MPP7: variants seen among roughly 807,000 people sequenced by gnomAD.
MPP7 encodes the protein MAGUK p55 subfamily member 7.
A neutral mutation model predicts 76.5 loss-of-function variants in MPP7; 60 were observed. The observed-to-expected ratio is 0.78, with a 90% CI of 0.64 to 0.97. MPP7 has a LOEUF of 0.97. Among genes scored for constraint, MPP7 ranks in the 50% least tolerant of loss-of-function variants. The pLI, the probability that MPP7 is intolerant of heterozygous loss-of-function variation, is 0.00. For synonymous variants in MPP7, 237 were observed against 244.5 expected (o/e 0.97, Z 0.29); for missense variants, 641 against 694.0 (o/e 0.92, Z 0.86).
At chr10:28,138,895 G>A (rs1302340563) in intron 5 of MPP7, among the ~76,000 whole-genome samples, 1 of 152,106 alleles carries the variant, frequency 6.6e-6, no homozygotes, top group Non-Finnish European at 1.5e-5. Flanking sequence ...CCGTTTACTG[G>A]GAATCCCAAT....
chr10:28,113,373 G>A (rs1207339280), intron 11 of MPP7, among the ~76,000 whole-genome samples: 2 of 152,082 alleles, frequency 1.3e-5, no homozygotes, highest in Admixed American at 6.5e-5. Flanking sequence ...CACTACCTCT[G>A]CTATTTCATG....
chr10:28,238,964 TA>T (rs1191087122), intron 1 of MPP7, among the ~76,000 whole-genome samples: 1 of 151,306 alleles, frequency 6.6e-6, no homozygotes, highest in Non-Finnish European at 1.5e-5. Flanking sequence ...GAGGATTCCT[TA>T]AAGATTTTTA....
intron 12 of MPP7, among the ~76,000 whole-genome samples, chr10:28,079,680 T>C (rs1340859501): frequency 6.6e-6 from 1 of 152,144 alleles, no homozygotes; most frequent in Admixed American, 6.5e-5. Context: ...GTCTCAGGCG[T>C]TGTGTTTTGA....
intron 3 of MPP7, among the ~76,000 whole-genome samples, chr10:28,151,695 G>A (rs1271926196): frequency 6.6e-6 from 1 of 152,102 alleles, no homozygotes; most frequent in Admixed American, 6.5e-5. Flanking sequence ...GTAGACAGCG[G>A]GACCATCTCA....
At position 28,131,681 on chromosome 10, in the gene MPP7, G is replaced by C; in HGVS notation, c.326C>G (p.Ser109Cys). 4 of 1,585,150 alleles carry C rather than the reference G, an allele frequency of 2.5e-6. No individual in the cohort carries two copies. Among genetic ancestry groups the C allele is most frequent in the Non-Finnish European group, 3.4e-6 (4 of 1,162,670 alleles). ...LSKPNVKALL[S>C]VHDTVAQKNY... Reference sequence around the variant, plus strand: ...CTTCTGAGCCACAGTATCATGTACAGAGAGCAAAGCCTGTAATATTCAAAG... The same window carrying C: ...CTTCTGAGCCACAGTATCATGTACACAGAGCAAAGCCTGTAATATTCAAAG... The change falls in exon 6 of 17, where the codon TCT becomes TGT. Residue 109 changes from serine to cysteine, a missense_variant. Ser to Cys is a moderately radical substitution (Grantham distance 112). Coordinates refer to ENST00000683449, the MANE Select transcript of MPP7 (RefSeq NM_001318170.2).
chr10:28,171,651 T>C (rs6481506), intron 3 of MPP7, among the ~76,000 whole-genome samples: 20,350 of 152,194 alleles, frequency 0.13, 2,047 homozygotes, highest in African/African-American at 0.28. Context: ...ACTTTTTAAG[T>C]GTACCGTATT....
intron 11 of MPP7, among the ~76,000 whole-genome samples, chr10:28,096,231 T>C (rs188213048): frequency 6.6e-6 from 1 of 152,312 alleles, no homozygotes; most frequent in Admixed American, 6.5e-5. Flanking sequence ...ACAGATCCTG[T>C]CCAAATGCTT....
intron 2 of MPP7, among the ~76,000 whole-genome samples, chr10:28,203,472 G>C (rs1307238642): frequency 1.5e-5 from 2 of 137,556 alleles, no homozygotes; most frequent in African/African-American, 2.9e-5. Flanking sequence ...GCCTTATTTG[G>C]CCAAAAAAAG....
chr10:28,125,301 A>G (rs1435789139), intron 6 of MPP7, among the ~76,000 whole-genome samples: 2 of 152,212 alleles, frequency 1.3e-5, no homozygotes, highest in Non-Finnish European at 2.9e-5. Flanking sequence ...ACATAGCATC[A>G]AAGGGTTTCA....
intron 1 of MPP7, among the ~76,000 whole-genome samples, chr10:28,252,612 A>G (rs1287850476): frequency 2.6e-5 from 4 of 152,200 alleles, no homozygotes; most frequent in Non-Finnish European, 5.9e-5. Flanking sequence ...GTTTTCTTCA[A>G]TATGTGAAAA....
chr10:28,320,889 C>T (rs1321099447), intron 2 of MPP7, among the ~76,000 whole-genome samples: 4 of 151,862 alleles, frequency 2.6e-5, no homozygotes, highest in East Asian at 1.9e-4. Context: ...GGTAATAGCC[C>T]CTGACGAGGT....
chr10:28,128,142 CAGCAGG>C (rs1207391438), intron 6 of MPP7, among the ~76,000 whole-genome samples: 10 of 152,152 alleles, frequency 6.6e-5, no homozygotes, highest in Non-Finnish European at 1.3e-4. Flanking sequence ...AGGTTGTGAA[CAGCAGG>C]AGGGGCACAA....
intron 3 of MPP7, among the ~76,000 whole-genome samples, chr10:28,163,206 C>T (rs1836324564): frequency 6.6e-6 from 1 of 152,160 alleles, no homozygotes; most frequent in Admixed American, 6.5e-5. Context: ...TCCTCTCCCT[C>T]CATTCATGAC....
chr10:28,243,305 G>T (rs1029647005), intron 1 of MPP7, among the ~76,000 whole-genome samples: 1 of 152,048 alleles, frequency 6.6e-6, no homozygotes, highest in African/African-American at 2.4e-5. Context: ...ATACACGCAT[G>T]GTGGAACCAA....
intron 2 of MPP7, among the ~76,000 whole-genome samples, chr10:28,232,177 G>A (rs894351290): frequency 6.6e-6 from 1 of 152,088 alleles, no homozygotes; most frequent in Non-Finnish European, 1.5e-5. Context: ...GGGCAACACA[G>A]GAAGACTCAC....
intron 2 of MPP7, among the ~76,000 whole-genome samples, chr10:28,310,801 G>T (rs10826448): frequency 0.35 from 53,316 of 150,772 alleles, 9,543 homozygotes; most frequent in East Asian, 0.54. Context: ...ACTTTACCCT[G>T]CACTGATCTG....
intron 3 of MPP7, among the ~76,000 whole-genome samples, chr10:28,178,284 G>A (rs1476211698): frequency 2.0e-5 from 3 of 151,930 alleles, no homozygotes; most frequent in Non-Finnish European, 4.4e-5. Flanking sequence ...CAACTCAGTC[G>A]AAAACCACTG....
At chr10:28,184,453 A>G (rs1342411317) in intron 3 of MPP7, among the ~76,000 whole-genome samples, 1 of 149,310 alleles carries the variant, frequency 6.7e-6, no homozygotes, top group African/African-American at 2.4e-5. Context: ...TCATGCCTGT[A>G]ATTCCAGCAC....
intron 16 of MPP7, among the ~76,000 whole-genome samples, chr10:28,055,608 T>C (rs1217965532): frequency 6.6e-6 from 1 of 152,158 alleles, no homozygotes; most frequent in African/African-American, 2.4e-5. Context: ...TCATAGAAAA[T>C]ACAAATATTA....
Sources: gnomAD v4.1 joint callset for allele counts (sites outside exome capture counted in the v4.1 genomes callset) on GRCh38, gnomAD v4.1.1 for gene constraint, MANE v1.5 for transcripts, NCBI Gene and HGNC (gene_info 2026-07-23, HGNC 2026-07-21) for gene names.